B3GALT1: variants seen among roughly 807,000 people sequenced by gnomAD.
B3GALT1 encodes the protein beta-1,3-galactosyltransferase 1.
A neutral mutation model predicts 23.2 loss-of-function variants in B3GALT1; 10 were observed. The observed-to-expected ratio is 0.43, with a 90% confidence interval of 0.27 to 0.73. The LOEUF (loss-of-function observed/expected upper bound fraction) is 0.73. Among genes scored for constraint, B3GALT1 ranks in the 30% least tolerant of loss-of-function variants. The pLI, the probability that B3GALT1 is intolerant of heterozygous loss-of-function variation, is 0.21. For missense variants in B3GALT1, 299 were observed against 405.4 expected, an observed-to-expected ratio of 0.74 and a Z score of 2.25; for synonymous variants, 156 against 141.5, an observed-to-expected ratio of 1.10 and a Z score of -0.73.
At chr2:167,367,127 A>C (rs758678323) in intron 1 of B3GALT1, among the ~76,000 whole-genome samples, 2 of 152,220 alleles carry the variant, frequency 1.3e-5, no homozygotes, top group African/African-American at 4.8e-5. Context: ...TATTCTGATC[A>C]ACAAAGACAG....
chr2:167,492,725 A>G (rs959918068), intron 2 of B3GALT1, among the ~76,000 whole-genome samples: 1 of 152,120 alleles, frequency 6.6e-6, no homozygotes, highest in African/African-American at 2.4e-5. Context: ...ATAAACTGTA[A>G]AAGAGAGTGT....
At position 167,809,120 on chromosome 2, in the gene B3GALT1, G is replaced by A. The variant is rs554406439; in HGVS notation, c.-351-9552G>A. Among the ~76,000 whole-genome samples the A allele has an allele frequency of 5.9e-5, 9 of 152,328 alleles. No homozygotes were observed. In the East Asian group the frequency reaches 1.5e-3, roughly 26 times the overall value. ...ATTCGTCACGTAGTCCTCGTGCCTTGGTTTTCAGCTCCATCAGGTCCTTTA... is the reference window on the plus strand; with the variant it reads ...ATTCGTCACGTAGTCCTCGTGCCTTAGTTTTCAGCTCCATCAGGTCCTTTA... On this transcript the variant is annotated intron_variant, in intron 3 of 4. Coordinates refer to ENST00000392690, the MANE Select transcript of B3GALT1 (RefSeq NM_020981.4).
At chr2:167,603,411 T>C (rs1381106245) in intron 2 of B3GALT1, among the ~76,000 whole-genome samples, 4 of 152,204 alleles carry the variant, frequency 2.6e-5, no homozygotes, top group Non-Finnish European at 5.9e-5. Flanking sequence ...AAGCCTCAGT[T>C]TCCTCCTGTG....
chr2:167,329,249 T>G (rs531012223), intron 1 of B3GALT1, among the ~76,000 whole-genome samples: 2 of 152,366 alleles, frequency 1.3e-5, no homozygotes, highest in South Asian at 2.1e-4. Flanking sequence ...CCATCTTAAT[T>G]TCTTCATTGA....
chr2:167,612,100 A>C (rs889556841), intron 2 of B3GALT1, among the ~76,000 whole-genome samples: 1 of 151,994 alleles, frequency 6.6e-6, no homozygotes, highest in Non-Finnish European at 1.5e-5. Context: ...TAGCCTGTGG[A>C]TAAACAAAAG....
chr2:167,326,087 G>GT (rs34790586), intron 1 of B3GALT1, among the ~76,000 whole-genome samples: 46 of 148,412 alleles, frequency 3.1e-4, no homozygotes, highest in South Asian at 2.3e-3. Context: ...ACCAATATCT[G>GT]TTTTTTTTTT....
chr2:167,407,412 T>C (rs1698301748), intron 1 of B3GALT1, among the ~76,000 whole-genome samples: 1 of 151,814 alleles, frequency 6.6e-6, no homozygotes, highest in Non-Finnish European at 1.5e-5. Context: ...ATAAACAACC[T>C]AAGAATGCAT....
intron 3 of B3GALT1, among the ~76,000 whole-genome samples, chr2:167,688,166 A>G (rs1005019628): frequency 6.6e-6 from 1 of 152,108 alleles, no homozygotes; most frequent in Non-Finnish European, 1.5e-5. Flanking sequence ...TCTCAGTCCC[A>G]TTTCTGAAGG....
intron 1 of B3GALT1, among the ~76,000 whole-genome samples, chr2:167,415,179 G>A (rs530103011): frequency 2.6e-5 from 4 of 152,316 alleles, no homozygotes; most frequent in African/African-American, 9.6e-5. Flanking sequence ...CCTTGAAGAA[G>A]TCATTGGGTC....
Position 167,869,208 on chromosome 2 carries a change from C to T in B3GALT1, c.169C>T (p.Pro57Ser). Residue 57 changes from proline to serine, a missense_variant, in exon 5 of 5, where the codon CCT becomes TCT. Transcript: ENST00000392690. The surrounding 1 kb of genome is among the most constrained non-coding windows in gnomAD (Gnocchi z 6.4). ...CACCTTTGGCAACATAAGAACTCGA[C>T]CTATCAACCCACATTCTTTTGAATT... ...NFTFGNIRTR[P>S]INPHSFEFLI... 6.2e-7 allele frequency: 1 copy of T among 1,614,170 alleles called. No homozygotes were observed. Among genetic ancestry groups the T allele is most frequent in the Non-Finnish European group, 8.5e-7 (1 of 1,180,016 alleles).
At chr2:167,549,802 C>G (rs1370370325) in intron 2 of B3GALT1, among the ~76,000 whole-genome samples, 1 of 152,132 alleles carries the variant, frequency 6.6e-6, no homozygotes, top group African/African-American at 2.4e-5. Flanking sequence ...CCATTAAAGT[C>G]ATGTAATTTT....
At chr2:167,639,389 T>A (rs1373729809) in intron 2 of B3GALT1, among the ~76,000 whole-genome samples, 1 of 152,008 alleles carries the variant, frequency 6.6e-6, no homozygotes, top group Non-Finnish European at 1.5e-5. Context: ...ATTCTTAATC[T>A]AAATGTTGAA....
At chr2:167,406,147 T>C (rs574230234) in intron 1 of B3GALT1, among the ~76,000 whole-genome samples, 1 of 152,224 alleles carries the variant, frequency 6.6e-6, no homozygotes, top group South Asian at 2.1e-4. Flanking sequence ...TTATACCATA[T>C]GCAAAAAGCA....
In B3GALT1 at chr2:167,300,495, A is replaced by T. The variant is rs538192744; in HGVS notation, c.-511+7161A>T. Reference sequence around the variant, plus strand: ...AACAAGTAGGTTATAACAGCAAAGGATTTTAACATAAAGAACGCATTAAGG... The same window carrying T: ...AACAAGTAGGTTATAACAGCAAAGGTTTTTAACATAAAGAACGCATTAAGG... On this transcript the variant is annotated intron_variant, in intron 1 of 4. Transcript: ENST00000392690. Among the ~76,000 whole-genome samples, 17 of 152,334 alleles carry T rather than the reference A, an allele frequency of 1.1e-4. No individual in the cohort carries two copies. In the East Asian group the frequency reaches 3.3e-3, roughly 29 times the overall value.
At chr2:167,714,445 C>A in intron 3 of B3GALT1, 1 of 1,589,636 alleles carries the variant, frequency 6.3e-7, no homozygotes, top group East Asian at 2.2e-5. Context: ...GATCCTCCAA[C>A]AAAGTTTGAG....
intron 1 of B3GALT1, among the ~76,000 whole-genome samples, chr2:167,400,938 A>T (rs6731777): frequency 0.1 from 15,533 of 152,136 alleles, 960 homozygotes; most frequent in African/African-American, 0.18. Flanking sequence ...AATAGCGGGA[A>T]CTTCAAACAG....
At chr2:167,611,709 G>A (rs543408685) in intron 2 of B3GALT1, among the ~76,000 whole-genome samples, 19 of 152,024 alleles carry the variant, frequency 1.2e-4, no homozygotes, top group African/African-American at 4.6e-4. Flanking sequence ...GCGCCTTGGG[G>A]TCACATAGTT....
chr2:167,849,518 G>A lies in B3GALT1; in HGVS notation c.-229-19293G>A, dbSNP rs575165667. Among the ~76,000 whole-genome samples the A allele has an allele frequency of 2.6e-5, 4 of 152,200 alleles. No homozygotes were observed. The South Asian group carries it at 8.3e-4, about 32-fold the overall frequency. On this transcript the variant is annotated intron_variant, in intron 4 of 4. Transcript: ENST00000392690. ...TTCAACAAATGGTGCTGGGATAATT[G>A]GCAAGCCACATGTAGGAAAACAAAA...
At chr2:167,601,000 T>C (rs1684867346) in intron 2 of B3GALT1, among the ~76,000 whole-genome samples, 1 of 152,180 alleles carries the variant, frequency 6.6e-6, no homozygotes, top group African/African-American at 2.4e-5. Flanking sequence ...TTGAACTAGA[T>C]TATTATACCG....
Sources: gnomAD v4.1 joint callset for allele counts (sites outside exome capture counted in the v4.1 genomes callset) on GRCh38, gnomAD v4.1.1 for gene constraint, Gnocchi (gnomAD v3.1) non-coding constraint, MANE v1.5 for transcripts, NCBI Gene and HGNC (gene_info 2026-07-23, HGNC 2026-07-21) for gene names.